The following RBFOX1 variants were observed in gnomAD, a reference collection of about 807,000 sequenced individuals.
The protein encoded by RBFOX1 is RNA binding fox-1 homolog 1.
In RBFOX1, 8 loss-of-function variants were observed where a neutral mutation model predicts 57.7. That is an observed-to-expected ratio of 0.14 (90% CI 0.08 to 0.25). RBFOX1 has a LOEUF of 0.25. Ranked by LOEUF, RBFOX1 falls within the 10% of genes least tolerant of loss-of-function variation. The probability of loss-of-function intolerance (pLI) is 1.00; values close to 1 mark genes in which losing one functional copy is unlikely to be tolerated. For missense variants in RBFOX1, 611 were observed against 548.5 expected (o/e 1.11, Z -1.14); for synonymous variants, 326 against 222.4 (o/e 1.47, Z -4.15).
intron 4 of RBFOX1, among the ~76,000 whole-genome samples, chr16:7,347,553 A>T (rs2097037111): frequency 6.6e-6 from 1 of 152,096 alleles, no homozygotes; most frequent in Non-Finnish European, 1.5e-5. Context: ...GACACAGCCA[A>T]ACGATATCAA....
chr16:5,950,108 T>C (rs980212039), intron 4 of RBFOX1, among the ~76,000 whole-genome samples: 8 of 152,242 alleles, frequency 5.3e-5, no homozygotes, highest in Admixed American at 6.5e-5. Flanking sequence ...TCTTCTGCAA[T>C]GTAGAGACGT....
chr16:5,277,490 C>G (rs1333649719), intron 1 of RBFOX1, among the ~76,000 whole-genome samples: 1 of 152,074 alleles, frequency 6.6e-6, no homozygotes, highest in Non-Finnish European at 1.5e-5. Flanking sequence ...TAGTCACTTT[C>G]TATGATATTA....
chr16:5,390,279 AGTTTTTTTT>A (rs56087649), intron 1 of RBFOX1, among the ~76,000 whole-genome samples: 60,757 of 148,428 alleles, frequency 0.41, 12,760 homozygotes, highest in Non-Finnish European at 0.45. Context: ...ATCGAAAAGT[AGTTTTTTTT>A]TTCTTTTTTT....
At chr16:6,102,754 C>T (rs2152560182) in intron 1 of RBFOX1, among the ~76,000 whole-genome samples, 1 of 152,290 alleles carries the variant, frequency 6.6e-6, no homozygotes, top group African/African-American at 2.4e-5. Flanking sequence ...TGGTGAATCA[C>T]AGCTGTTAAA....
intron 3 of RBFOX1, among the ~76,000 whole-genome samples, chr16:6,726,426 A>G (rs2067200643): frequency 6.6e-6 from 1 of 150,880 alleles, no homozygotes; most frequent in Admixed American, 6.6e-5. Flanking sequence ...TGCAAAGGAG[A>G]TAAAATCACG....
At position 5,591,321 on chromosome 16, in the gene RBFOX1, A is replaced by C. The variant is rs1209485348; in HGVS notation, c.259-7581A>C. Reference sequence around the variant, plus strand: ...GGCTGGAGTGCCATGGCATGATTTCAGCTCACTGCAACATCTGCCTCCTGG... The same window carrying C: ...GGCTGGAGTGCCATGGCATGATTTCCGCTCACTGCAACATCTGCCTCCTGG... On this transcript the variant is annotated intron_variant, in intron 2 of 2. Transcript: ENST00000585867. 1.1e-4 allele frequency among the ~76,000 whole-genome samples: 16 copies of C among 148,168 alleles called. No homozygotes were observed. In the South Asian group the frequency reaches 2.3e-3, roughly 22 times the overall value.
rs201138807 is a variant in RBFOX1 at position 5,329,477 on chromosome 16, C to G, written c.219+89372C>G. ...AAATCTGCCCCCATGATCCAGTCAG[C>G]TCCCACCAGGCCCCACCTCCAACAC... On this transcript the variant is annotated intron_variant, in intron 1 of 2. Transcript: ENST00000585867. Among the ~76,000 whole-genome samples, 44 of 152,316 alleles carry G rather than the reference C, an allele frequency of 2.9e-4. No individual in the cohort carries two copies. In the East Asian group the frequency reaches 6.2e-3, roughly 21 times the overall value.
At chr16:6,834,910 TGAG>T (rs2092975058) in intron 3 of RBFOX1, among the ~76,000 whole-genome samples, 1 of 111,974 alleles carries the variant, frequency 8.9e-6, no homozygotes. Context: ...TTTTTTTTTT[TGAG>T]ATGGTGTCTC....
intron 2 of RBFOX1, among the ~76,000 whole-genome samples, chr16:6,501,280 T>TCCCTCCCCCCTCCC (rs2095914620): frequency 8.0e-6 from 1 of 124,442 alleles, no homozygotes; most frequent in African/African-American, 3.0e-5. Context: ...CCAAATGCTA[T>TCCCTCCCCCCTCCC]CCCTCCCCCC....
intron 3 of RBFOX1, among the ~76,000 whole-genome samples, chr16:6,908,678 G>C (rs1448679958): frequency 6.6e-6 from 1 of 152,096 alleles, no homozygotes; most frequent in Non-Finnish European, 1.5e-5. Flanking sequence ...TCCATGCAGG[G>C]TCCAGTTGGG....
At chr16:5,264,800 C>T (rs894262575) in intron 1 of RBFOX1, among the ~76,000 whole-genome samples, 1 of 152,052 alleles carries the variant, frequency 6.6e-6, no homozygotes, top group African/African-American at 2.4e-5. Context: ...CCTCTGTTCC[C>T]TGCTTGGTGA....
intron 3 of RBFOX1, chr16:5,615,998 G>C (rs1270185449): frequency 6.6e-6 from 1 of 152,284 alleles, no homozygotes; most frequent in African/African-American, 2.4e-5. Flanking sequence ...GTTTGAACCT[G>C]AACCGTCTGT....
chr16:5,375,410 G>C (rs72777526), intron 1 of RBFOX1, among the ~76,000 whole-genome samples: 1 of 152,006 alleles, frequency 6.6e-6, no homozygotes, highest in African/African-American at 2.4e-5. Flanking sequence ...AGGGCTTGTG[G>C]GAGGAAACAG....
At chr16:5,800,601 G>A (rs1291801434) in intron 3 of RBFOX1, among the ~76,000 whole-genome samples, 1 of 152,274 alleles carries the variant, frequency 6.6e-6, no homozygotes, top group East Asian at 1.9e-4. Flanking sequence ...TGGTGAAATG[G>A]ATGTGACCCA....
chr16:7,207,589 A>T (rs189189349), intron 4 of RBFOX1, among the ~76,000 whole-genome samples: 13 of 152,296 alleles, frequency 8.5e-5, no homozygotes, highest in East Asian at 3.9e-4. Context: ...AAATAATGAC[A>T]TGGAAACTAT....
At chr16:6,384,465 C>T (rs1384123195) in intron 2 of RBFOX1, among the ~76,000 whole-genome samples, 1 of 152,106 alleles carries the variant, frequency 6.6e-6, no homozygotes, top group African/African-American at 2.4e-5. Context: ...TTTTCCCTCC[C>T]AGAAGGCTTA....
chr16:6,034,963 G>A (rs987864203), intron 1 of RBFOX1, among the ~76,000 whole-genome samples: 1 of 78,946 alleles, frequency 1.3e-5, no homozygotes, highest in East Asian at 2.8e-4. Context: ...GTTTTAAGCA[G>A]CAGAGAGCAT....
At chr16:6,950,407 A>G (rs939138995) in intron 3 of RBFOX1, among the ~76,000 whole-genome samples, 1 of 152,102 alleles carries the variant, frequency 6.6e-6, no homozygotes, top group South Asian at 2.1e-4. Context: ...CTACACCAGC[A>G]TGCACTGAGA....
intron 1 of RBFOX1, among the ~76,000 whole-genome samples, chr16:6,073,813 C>T (rs899104856): frequency 1.3e-5 from 2 of 151,996 alleles, no homozygotes; most frequent in Non-Finnish European, 2.9e-5. Flanking sequence ...TGATAGGGCT[C>T]TTTCAACTGC....
Sources: allele counts gnomAD v4.1 joint callset (sites outside exome capture counted in the v4.1 genomes callset), GRCh38; gene constraint gnomAD v4.1.1; transcripts MANE v1.5; gene names NCBI Gene and HGNC (gene_info 2026-07-23, HGNC 2026-07-21).